GNPTAB: variants seen among roughly 807,000 people sequenced by gnomAD.
GNPTAB encodes the protein N-acetylglucosamine-1-phosphate transferase subunits alpha and beta, also known as N-acetylglucosamine-1-phosphotransferase subunits alpha/beta.
Under a neutral mutation model 136.6 loss-of-function variants are expected in GNPTAB, and 92 were observed. That is an observed-to-expected ratio of 0.67 (90% confidence interval 0.57 to 0.80). The LOEUF is 0.80. Among genes scored for constraint, GNPTAB ranks in the 30% least tolerant of loss-of-function variants. The pLI is 0.00. For synonymous variants in GNPTAB, 512 were observed against 535.1 expected, an observed-to-expected ratio of 0.96 and a Z score of 0.60; for missense variants, 1,343 against 1,501.8, an observed-to-expected ratio of 0.89 and a Z score of 1.75.
chr12:101,763,146 TGGGAG>T (rs1195515098), intron 13 of GNPTAB, among the ~76,000 whole-genome samples: 1 of 147,538 alleles, frequency 6.8e-6, no homozygotes, highest in East Asian at 2.0e-4. Context: ...CTCTTGAACC[TGGGAG>T]GCAAAGACTG....
In GNPTAB at chr12:101,770,470, G is replaced by C; in HGVS notation, c.1049C>G (p.Thr350Ser). The change falls in exon 9 of 21, where the codon ACC becomes AGC. Residue 350 changes from threonine (T) to serine (S), a missense_variant. Physicochemically the swap from Thr to Ser is moderately conservative, Grantham distance 58. Transcript: ENST00000299314. ...APWVRNIFIV[T>S]NGQIPSWLNL... is the part of the protein sequence containing the mutation. ...CAGCCAGGATGGAATCTGCCCGTTGGTGACAATGAAAATATTCCGAACCCA... is the reference window on the plus strand; with the variant it reads ...CAGCCAGGATGGAATCTGCCCGTTGCTGACAATGAAAATATTCCGAACCCA... 1 of 1,613,742 alleles carries C rather than the reference G, an allele frequency of 6.2e-7. No homozygotes were observed. Among genetic ancestry groups the C allele is most frequent in the Non-Finnish European group, 8.5e-7 (1 of 1,179,616 alleles).
At chr12:101,824,635 T>G (rs1001512842) in intron 1 of GNPTAB, among the ~76,000 whole-genome samples, 6 of 151,066 alleles carry the variant, frequency 4.0e-5, no homozygotes, top group African/African-American at 9.7e-5. Flanking sequence ...CCCAGTTAAT[T>G]TTTGTATTTT....
chr12:101,784,221 T>G (rs972392488), intron 5 of GNPTAB, among the ~76,000 whole-genome samples: 1 of 152,140 alleles, frequency 6.6e-6, no homozygotes, highest in African/African-American at 2.4e-5. Flanking sequence ...AAAATCATTG[T>G]GAATATATTA....
At chr12:101,826,248 A>G (rs1255359494) in intron 1 of GNPTAB, among the ~76,000 whole-genome samples, 1 of 152,182 alleles carries the variant, frequency 6.6e-6, no homozygotes, top group Non-Finnish European at 1.5e-5. Flanking sequence ...ATTCATTACG[A>G]GTAGATTCTA....
At chr12:101,793,133 A>T (rs1186397714) in intron 2 of GNPTAB, among the ~76,000 whole-genome samples, 1 of 152,122 alleles carries the variant, frequency 6.6e-6, no homozygotes. Flanking sequence ...TTCCTCCTAC[A>T]TGGGTGGGGT....
intron 7 of GNPTAB, chr12:101,779,850 G>C (rs1056068805): frequency 7.3e-6 from 3 of 412,062 alleles, no homozygotes; most frequent in African/African-American, 6.1e-5. Context: ...ACCCGATCTT[G>C]TCTGATCTCG....
chr12:101,771,262 T>C (rs1415481526), intron 7 of GNPTAB, 105 bp from the exon 8 acceptor site: 1 of 968,806 alleles, frequency 1.0e-6, no homozygotes, highest in African/African-American at 1.7e-5. Flanking sequence ...TTTTTTTTTT[T>C]GAGACACAGT....
chr12:101,749,513 T>G (rs974949309), intron 19 of GNPTAB, among the ~76,000 whole-genome samples: 15 of 152,368 alleles, frequency 9.8e-5, no homozygotes, highest in African/African-American at 3.6e-4. Flanking sequence ...ACTCAGTTTC[T>G]TGATAAATAC....
At chr12:101,769,922 T>C in intron 10 of GNPTAB, 99 bp downstream of exon 10, 1 of 1,187,808 alleles carries the variant, frequency 8.4e-7, no homozygotes, top group Non-Finnish European at 1.2e-6. Context: ...TGAGCCACCA[T>C]GTCTGGCCTG....
intron 5 of GNPTAB, among the ~76,000 whole-genome samples, chr12:101,782,153 C>T (rs1868381715): frequency 6.6e-6 from 1 of 152,142 alleles, no homozygotes; most frequent in African/African-American, 2.4e-5. Flanking sequence ...GGATAAGAGA[C>T]TATGGATTTC....
intron 7 of GNPTAB, among the ~76,000 whole-genome samples, chr12:101,774,511 G>A (rs1295096627): frequency 2.0e-5 from 3 of 152,152 alleles, no homozygotes. Flanking sequence ...TTTACATTTT[G>A]TACAGTGTAT....
At chr12:101,804,051 G>A (rs1382061208) in intron 1 of GNPTAB, among the ~76,000 whole-genome samples, 9 of 151,788 alleles carry the variant, frequency 5.9e-5, no homozygotes, top group Non-Finnish European at 8.8e-5. Context: ...GGGCAATATA[G>A]TAAGACCTTG....
At chr12:101,829,621 C>G (rs1356680051) in intron 1 of GNPTAB, among the ~76,000 whole-genome samples, 2 of 152,194 alleles carry the variant, frequency 1.3e-5, no homozygotes, top group Non-Finnish European at 2.9e-5. Flanking sequence ...AGGCACCTAA[C>G]TACACACAGA....
In GNPTAB at chr12:101,768,069, G is replaced by A; in HGVS notation, c.1376C>T (p.Ser459Leu). ...ATCCCCACCATCCCAATCGCAGGCTGAATTATTACAAGCCTTGTCACAATA... is the reference window on the plus strand; with the variant it reads ...ATCCCCACCATCCCAATCGCAGGCTAAATTATTACAAGCCTTGTCACAATA... Reference protein sequence around the residue: ...DGYCDKACNNSACDWDGGDCS... With the variant: ...DGYCDKACNNLACDWDGGDCS... Residue 459 changes from serine (S) to leucine (L), a missense_variant, in exon 11 of 21, where the codon TCA becomes TTA. Ser to Leu is a moderately radical substitution (Grantham distance 145). Transcript: ENST00000299314. 1.2e-6 allele frequency: 2 copies of A among 1,614,100 alleles called. No individual in the cohort carries two copies. Among genetic ancestry groups the A allele is most frequent in the Non-Finnish European group, 1.7e-6 (2 of 1,179,914 alleles).
chr12:101,802,652 A>G (rs1306431993), intron 1 of GNPTAB, among the ~76,000 whole-genome samples: 1 of 152,242 alleles, frequency 6.6e-6, no homozygotes, highest in Non-Finnish European at 1.5e-5. Flanking sequence ...CCTGTGCCCA[A>G]GAAAGAACCT....
At chr12:101,763,806 T>C (rs1448468157) in intron 13 of GNPTAB, among the ~76,000 whole-genome samples, 3 of 152,214 alleles carry the variant, frequency 2.0e-5, no homozygotes, top group Admixed American at 6.5e-5. Context: ...CACACTGATT[T>C]GCTGTTATAA....
At chr12:101,821,572 C>A (rs935996534) in intron 1 of GNPTAB, among the ~76,000 whole-genome samples, 2 of 152,118 alleles carry the variant, frequency 1.3e-5, no homozygotes, top group Non-Finnish European at 2.9e-5. Flanking sequence ...CAGACTCATC[C>A]AAATCATGGT....
intron 1 of GNPTAB, among the ~76,000 whole-genome samples, chr12:101,797,362 C>T (rs1452151997): frequency 2.6e-5 from 4 of 152,084 alleles, no homozygotes; most frequent in Non-Finnish European, 5.9e-5. Context: ...CGGTGGCTCA[C>T]GCCTGTAATC....
chr12:101,756,086 T>C (rs1952896598), intron 18 of GNPTAB: 1 of 152,260 alleles, frequency 6.6e-6, no homozygotes, highest in South Asian at 2.1e-4. Flanking sequence ...ACACTTCAAG[T>C]GGAGGGAACA....
Sources: allele counts gnomAD v4.1 joint callset (sites outside exome capture counted in the v4.1 genomes callset), GRCh38; gene constraint gnomAD v4.1.1; transcripts MANE v1.5; gene names NCBI Gene and HGNC (gene_info 2026-07-23, HGNC 2026-07-21).